Variants in LRFN2 observed in about 807,000 individuals in gnomAD.
LRFN2 encodes leucine rich repeat and fibronectin type III domain containing 2.
A neutral mutation model predicts 37.3 loss-of-function variants in LRFN2; 18 were observed. The ratio of observed to expected loss-of-function variants is 0.48; its 90% CI spans 0.33 to 0.72. LRFN2 has a LOEUF of 0.72. Ranked by LOEUF, LRFN2 falls within the 30% of genes least tolerant of loss-of-function variation. The probability of loss-of-function intolerance (pLI) is 0.02; values close to 1 mark genes in which losing one functional copy is unlikely to be tolerated. For missense variants in LRFN2, 1,006 were observed against 1,060.7 expected, an observed-to-expected ratio of 0.95 and a Z score of 0.72; for synonymous variants, 556 against 466.6, an observed-to-expected ratio of 1.19 and a Z score of -2.47.
chr6:40,457,966 T>G (rs1001048177), intron 1 of LRFN2, among the ~76,000 whole-genome samples: 1 of 152,176 alleles, frequency 6.6e-6, no homozygotes, highest in African/African-American at 2.4e-5. Flanking sequence ...TACAGGAGAA[T>G]GAAGCTATCA....
intron 1 of LRFN2, among the ~76,000 whole-genome samples, chr6:40,508,881 T>C (rs904102708): frequency 3.3e-5 from 5 of 152,216 alleles, no homozygotes; most frequent in African/African-American, 1.2e-4. Context: ...ATCTTGGATA[T>C]GCCATGGGCC....
chr6:40,456,015 C>G lies in LRFN2; in HGVS notation c.-18-22884G>C, dbSNP rs558797404. On this transcript the variant is annotated intron_variant, in intron 1 of 2. Coordinates refer to ENST00000338305, the MANE Select transcript of LRFN2 (RefSeq NM_020737.3). Reference sequence around the variant, plus strand: ...GCATGTTGTGGAGAAGGCCATGCAGCTGGGAGTGGTAGGCAGCCCCTAGGA... The same window carrying G: ...GCATGTTGTGGAGAAGGCCATGCAGGTGGGAGTGGTAGGCAGCCCCTAGGA... Among the ~76,000 whole-genome samples, 11 of 152,222 alleles carry G rather than the reference C, an allele frequency of 7.2e-5. No homozygotes were observed. In the East Asian group the frequency reaches 2.1e-3, roughly 29 times the overall value.
intron 1 of LRFN2, among the ~76,000 whole-genome samples, chr6:40,472,932 G>A (rs143531740): frequency 1.1e-4 from 16 of 152,102 alleles, no homozygotes; most frequent in African/African-American, 3.9e-4. Context: ...TCATTCACTC[G>A]GGGCTGCATC....
chr6:40,445,814 T>C (rs1449019798), intron 1 of LRFN2, among the ~76,000 whole-genome samples: 1 of 152,216 alleles, frequency 6.6e-6, no homozygotes, highest in East Asian at 1.9e-4. Flanking sequence ...CCCTGTGGTC[T>C]TGGGCAAGTT....
In LRFN2 at chr6:40,392,259, C is replaced by T; in HGVS notation, c.2054G>A (p.Gly685Glu). The T allele has an allele frequency of 6.3e-7, 1 of 1,593,036 alleles. No individual in the cohort carries two copies. Among genetic ancestry groups the T allele is most frequent in the Non-Finnish European group, 8.5e-7 (1 of 1,171,364 alleles). Residue 685 changes from glycine (G) to glutamate (E), a missense_variant, in exon 3 of 3, where the codon GGG becomes GAG. This residue lies in a region of LRFN2 where 398 missense variants were observed against 327.6 expected (regional missense o/e 1.21). Coordinates refer to ENST00000338305, the MANE Select transcript of LRFN2 (RefSeq NM_020737.3). This position sits in a 1 kb window ranked among gnomAD's most constrained non-coding sequence, Gnocchi z 4.7. ...DSRTPAGRGAGTSARGHHSDR... is the reference protein window; with the variant it reads ...DSRTPAGRGAETSARGHHSDR... ...CGAGTGGTGGCCCCGGGCCGACGTC[C>T]CAGCCCCTCTCCCGGCTGGAGTCCT... is the stretch of plus-strand genomic sequence containing the variant.
intron 1 of LRFN2, among the ~76,000 whole-genome samples, chr6:40,476,245 G>A (rs1764707017): frequency 6.6e-6 from 1 of 152,206 alleles, no homozygotes; most frequent in African/African-American, 2.4e-5. Context: ...ATTTATTGAA[G>A]TTATCTGGGC....
At position 40,403,152 on chromosome 6, in the gene LRFN2, AGT is replaced by A. The variant is rs150906953; in HGVS notation, c.1401-10242_1401-10241del. 9.9e-3 allele frequency among the ~76,000 whole-genome samples: 1,506 copies of A among 152,330 alleles called. 41 individuals carry two copies. Among genetic ancestry groups the A allele is most frequent in the East Asian group, 0.083 (428 of 5,182 alleles). On this transcript the variant is annotated intron_variant, in intron 2 of 2. Transcript: ENST00000338305. The stretch of plus-strand genomic sequence containing the variant: ...GGATTCTGAGGCTGTGTTTAAACTC[AGT>A]GGGACAGAGTCCTCTGGAGCCGGTG...
intron 2 of LRFN2, among the ~76,000 whole-genome samples, chr6:40,428,596 G>C (rs1462429413): frequency 1.3e-5 from 2 of 152,210 alleles, no homozygotes; most frequent in African/African-American, 4.8e-5. Flanking sequence ...TTGAGTCTGG[G>C]TGCTGAAGCC....
intron 1 of LRFN2, among the ~76,000 whole-genome samples, chr6:40,510,253 C>T (rs1027710733): frequency 3.3e-5 from 5 of 152,080 alleles, no homozygotes; most frequent in African/African-American, 4.8e-5. Flanking sequence ...GAACACTAGG[C>T]CATGACGGGA....
intron 1 of LRFN2, among the ~76,000 whole-genome samples, chr6:40,474,590 A>G (rs1302796541): frequency 6.6e-6 from 1 of 152,116 alleles, no homozygotes; most frequent in Non-Finnish European, 1.5e-5. Context: ...CCTGGGTTCA[A>G]GCAATTCTCC....
chr6:40,530,869 T>C (rs532431783), intron 1 of LRFN2, among the ~76,000 whole-genome samples: 59 of 152,264 alleles, frequency 3.9e-4, no homozygotes, highest in African/African-American at 1.3e-3. Flanking sequence ...CATATGCTGC[T>C]TCTCCCTTTG....
intron 1 of LRFN2, among the ~76,000 whole-genome samples, chr6:40,501,219 C>G (rs1473131096): frequency 6.6e-6 from 1 of 151,272 alleles, no homozygotes; most frequent in Non-Finnish European, 1.5e-5. Flanking sequence ...TTTAAAAAGA[C>G]TGGAAAAAAG....
intron 1 of LRFN2, among the ~76,000 whole-genome samples, chr6:40,539,915 A>T (rs576514152): frequency 2.0e-5 from 3 of 152,092 alleles, no homozygotes; most frequent in Non-Finnish European, 4.4e-5. Context: ...AAGAGAGGAT[A>T]ATCCTCCCCT....
At chr6:40,446,323 C>T (rs1763968836) in intron 1 of LRFN2, among the ~76,000 whole-genome samples, 2 of 152,214 alleles carry the variant, frequency 1.3e-5, no homozygotes, top group South Asian at 4.1e-4. Flanking sequence ...AAGGAAGAAG[C>T]ATTCCAAGGC....
intron 1 of LRFN2, among the ~76,000 whole-genome samples, chr6:40,558,925 T>G (rs925478350): frequency 6.6e-6 from 1 of 152,166 alleles, no homozygotes; most frequent in African/African-American, 2.4e-5. Context: ...GATGCATGCT[T>G]GAGAGTAGCA....
At chr6:40,440,496 A>AAATG (rs139457580) in intron 1 of LRFN2, among the ~76,000 whole-genome samples, 6,414 of 152,130 alleles carry the variant, frequency 0.042, 421 homozygotes, top group African/African-American at 0.14. Flanking sequence ...ATGAATGAAT[A>AAATG]AATGAATGAA....
At chr6:40,489,088 G>A (rs990641138) in intron 1 of LRFN2, among the ~76,000 whole-genome samples, 4 of 152,090 alleles carry the variant, frequency 2.6e-5, no homozygotes, top group African/African-American at 7.2e-5. Flanking sequence ...TCTCACACCT[G>A]TCTATACCAT....
At position 40,392,699 on chromosome 6, in the gene LRFN2, G is replaced by T; in HGVS notation, c.1614C>A (p.Ile538=). ...GCAGCGTGGCCACGATGATGCCCCC[G>T]ATGACCAGGATCATGGTGCCGCCCA... is the stretch of plus-strand genomic sequence containing the variant. The part of the protein sequence containing the change: ...QILGGTMILV[I]GGIIVATLLV... The change falls in exon 3 of 3, where the codon ATC becomes ATA. Residue 538 remains isoleucine, a synonymous_variant. Coordinates refer to ENST00000338305, the MANE Select transcript of LRFN2 (RefSeq NM_020737.3). The surrounding 1 kb of genome is among the most constrained non-coding windows in gnomAD (Gnocchi z 4.7). 1 of 1,614,074 alleles carries T rather than the reference G, an allele frequency of 6.2e-7. No homozygotes were observed. The highest frequency in any genetic ancestry group is 8.5e-7 in the Non-Finnish European group (1 of 1,180,010).
chr6:40,391,955 C>T lies in LRFN2; in HGVS notation c.2358G>A (p.Glu786=). Residue 786 remains glutamate (E), a synonymous_variant, in exon 3 of 3, where the codon GAG becomes GAA. Coordinates refer to ENST00000338305, the MANE Select transcript of LRFN2 (RefSeq NM_020737.3). ...TGCCCACCCCCACCTAGACCGTGCTCTCCATCACCCATTCGGAGCTGCCAA... is the reference window on the plus strand; with the variant it reads ...TGCCCACCCCCACCTAGACCGTGCTTTCCATCACCCATTCGGAGCTGCCAA... ...GTFGSSEWVM[E]STV 6.3e-7 allele frequency: 1 copy of T among 1,579,744 alleles called. No homozygotes were observed. The highest frequency in any genetic ancestry group is 1.2e-5 in the South Asian group (1 of 84,950).
Sources: gnomAD v4.1 joint callset for allele counts (sites outside exome capture counted in the v4.1 genomes callset) on GRCh38, gnomAD v4.1.1 for gene constraint, gnomAD v4.1.1 regional missense constraint, Gnocchi (gnomAD v3.1) non-coding constraint, MANE v1.5 for transcripts, NCBI Gene and HGNC (gene_info 2026-07-23, HGNC 2026-07-21) for gene names.